ZNF334: variants seen among roughly 807,000 people sequenced by gnomAD.
ZNF334 encodes zinc finger protein 334.
A neutral mutation model predicts 12.4 loss-of-function variants in ZNF334; 14 were observed. The ratio of observed to expected loss-of-function variants is 1.13; its 90% CI spans 0.74 to 1.76. ZNF334 has a LOEUF of 1.76. ZNF334 is among the 40% of genes most tolerant of loss of function. The pLI is 0.00. For missense variants in ZNF334, 797 were observed against 804.5 expected (o/e 0.99, Z 0.11); for synonymous variants, 273 against 269.6 (o/e 1.01, Z -0.12).
chr20:46,463,258 T>C, the ZNF334 span, among the ~76,000 whole-genome samples: 4 of 151,988 alleles, frequency 2.6e-5, no homozygotes, highest in African/African-American at 7.2e-5. Flanking sequence ...CCATCTAAAA[T>C]AAACAAACAA....
Position 46,501,586 on chromosome 20 carries a change from ACTT to A in ZNF334, c.1750_1752del (p.Lys584del). The stretch of plus-strand genomic sequence containing the variant: ...GTTCGCTGATGTTCAACAAAGGAGA[ACTT>A]CTGACAGAAGGTTTTCCCACATTCA... On this transcript the variant is annotated inframe_deletion, in exon 5 of 5. Coordinates refer to ENST00000692313, the MANE Select transcript of ZNF334 (RefSeq NM_001353824.2). 6.2e-7 allele frequency: 1 copy of A among 1,614,082 alleles called. No individual in the cohort carries two copies. Among genetic ancestry groups the A allele is most frequent in the Non-Finnish European group, 8.5e-7 (1 of 1,179,974 alleles).
At chr20:46,482,807 C>T in the ZNF334 span, among the ~76,000 whole-genome samples, 3 of 152,114 alleles carry the variant, frequency 2.0e-5, no homozygotes, top group African/African-American at 7.2e-5. Context: ...CGTAGCAGCA[C>T]GCATAGATGG....
At chr20:46,462,535 G>T in the ZNF334 span, among the ~76,000 whole-genome samples, 2 of 152,134 alleles carry the variant, frequency 1.3e-5, no homozygotes, top group African/African-American at 2.4e-5. Context: ...AAAACACCTC[G>T]AATGGTGACA....
At chr20:46,499,469 ATTTC>A (rs746795879), downstream of ZNF334, among the ~76,000 whole-genome samples, 2 of 151,932 alleles carry the variant, frequency 1.3e-5, no homozygotes, top group East Asian at 1.9e-4. Flanking sequence ...ACTAGTTTTG[ATTTC>A]TTTATGTCTT....
At chr20:46,487,013 T>C in the ZNF334 span, among the ~76,000 whole-genome samples, 1 of 152,168 alleles carries the variant, frequency 6.6e-6, no homozygotes, top group East Asian at 1.9e-4. Context: ...TTTCATGTTA[T>C]ATATAAGGTA....
At position 46,502,631 on chromosome 20, in the gene ZNF334, T is replaced by C; in HGVS notation, c.708A>G (p.Pro236=). Reference sequence around the variant, plus strand: ...TTTTCCTACATTCATTACATTCATTTGGTTTCCTTTCAGTCTGTCTCCCCT... The same window carrying C: ...TTTTCCTACATTCATTACATTCATTCGGTTTCCTTTCAGTCTGTCTCCCCT... The part of the protein sequence containing the change: ...TQKGRQTERK[P]NECNECRKTF... The change falls in exon 5 of 5, where the codon CCA becomes CCG. Residue 236 remains proline, a synonymous_variant. Coordinates refer to ENST00000692313, the MANE Select transcript of ZNF334 (RefSeq NM_001353824.2). 6.2e-7 allele frequency: 1 copy of C among 1,613,018 alleles called. No homozygotes were observed. The highest frequency in any genetic ancestry group is 1.1e-5 in the South Asian group (1 of 91,086).
chr20:46,471,692 T>C, the ZNF334 span, among the ~76,000 whole-genome samples: 1 of 152,342 alleles, frequency 6.6e-6, no homozygotes, highest in Non-Finnish European at 1.5e-5. Context: ...CACCATCTAT[T>C]GAAAAGATCA....
the ZNF334 span, among the ~76,000 whole-genome samples, chr20:46,483,417 G>A: frequency 7.0e-4 from 107 of 151,784 alleles, no homozygotes; most frequent in Middle Eastern, 3.4e-3. Flanking sequence ...TTATAAGGTC[G>A]ATTTTATTAT....
At chr20:46,481,333 G>C in the ZNF334 span, 1 of 152,292 alleles carries the variant, frequency 6.6e-6, no homozygotes, top group East Asian at 1.9e-4. Context: ...GCTTTCTTTA[G>C]TGACCCAAGA....
rs774542430 is a variant in ZNF334, at chr20:46,501,171, T to C, written c.*125A>G. ...TGATGTTACATTGAGGGTTGACTTA[T>C]GGCAGAAAAATTTTCCATATTCATT... is the stretch of plus-strand genomic sequence containing the variant. On this transcript the variant is annotated 3_prime_UTR_variant, in exon 5 of 5. Coordinates refer to ENST00000692313, the MANE Select transcript of ZNF334 (RefSeq NM_001353824.2). 1.9e-5 allele frequency: 24 copies of C among 1,254,720 alleles called. No homozygotes were observed. The highest frequency in any genetic ancestry group is 2.2e-5 in the Non-Finnish European group (20 of 914,998). The allele number at this position is 1,254,720 out of a possible 1,614,324, so 77.7% of individuals were successfully genotyped here. A position where few individuals can be genotyped will look rare whatever the true frequency, so the allele number is the denominator to read the frequency against.
the ZNF334 span, among the ~76,000 whole-genome samples, chr20:46,475,059 G>GCAT: frequency 7.3e-3 from 1,104 of 152,174 alleles, 14 homozygotes; most frequent in African/African-American, 0.026. Context: ...GGAAACTGTG[G>GCAT]GTCTATTCCA....
chr20:46,465,811 C>T, the ZNF334 span, among the ~76,000 whole-genome samples: 14 of 151,832 alleles, frequency 9.2e-5, no homozygotes, highest in African/African-American at 2.7e-4. Context: ...AGAAATTAGC[C>T]GGGCGTGGTG....
the ZNF334 span, chr20:46,464,129 T>C: frequency 1.8e-6 from 1 of 560,650 alleles, no homozygotes; most frequent in Non-Finnish European, 3.5e-6. Flanking sequence ...TGTCTCTGTG[T>C]ATCCTTTCTA....
chr20:46,512,106 C>G lies in ZNF334; in HGVS notation c.-4G>C. 1 of 1,613,702 alleles carries G rather than the reference C, an allele frequency of 6.2e-7. No individual in the cohort carries two copies. On this transcript the variant is annotated 5_prime_UTR_variant, in exon 2 of 5. Coordinates refer to ENST00000692313, the MANE Select transcript of ZNF334 (RefSeq NM_001353824.2). ...CCTGAAATTTTTTCATTTTCATGTT[C>G]TCTTGAGAAAGGGCCAAGAGTGTTG... is the stretch of plus-strand genomic sequence containing the variant.
intron 2 of ZNF334, chr20:46,509,785 G>A: frequency 4.6e-6 from 3 of 658,564 alleles, no homozygotes; most frequent in Non-Finnish European, 8.3e-6. Context: ...TGGGTGGGTG[G>A]CATTAACTAA....
the ZNF334 span, among the ~76,000 whole-genome samples, chr20:46,470,450 G>A: frequency 2.0e-5 from 3 of 152,216 alleles, no homozygotes; most frequent in Non-Finnish European, 4.4e-5. Context: ...TTCTGTGGGA[G>A]AGGCAGGAGG....
the ZNF334 span, among the ~76,000 whole-genome samples, chr20:46,480,474 T>A: frequency 6.6e-6 from 1 of 152,118 alleles, no homozygotes; most frequent in Non-Finnish European, 1.5e-5. Flanking sequence ...AGGCACCAGG[T>A]GAGGCCCCTT....
chr20:46,478,111 T>A, the ZNF334 span, among the ~76,000 whole-genome samples: 2 of 152,232 alleles, frequency 1.3e-5, no homozygotes, highest in Non-Finnish European at 2.9e-5. Context: ...CTCAGAATTA[T>A]AGTTGTCAAT....
the ZNF334 span, among the ~76,000 whole-genome samples, chr20:46,488,899 T>C: frequency 6.6e-6 from 1 of 151,944 alleles, no homozygotes; most frequent in African/African-American, 2.4e-5. Flanking sequence ...TCTTTGTCTC[T>C]GTGCCATGTA....
Sources: allele counts gnomAD v4.1 joint callset (sites outside exome capture counted in the v4.1 genomes callset), GRCh38; gene constraint gnomAD v4.1.1; transcripts MANE v1.5; gene names NCBI Gene and HGNC (gene_info 2026-07-23, HGNC 2026-07-21).